TBC1D10A: variants seen among roughly 807,000 people sequenced by gnomAD.
TBC1D10A encodes the protein EBP50-PDX interactor of 64 kDa.
In TBC1D10A, 24 loss-of-function variants were observed where a neutral mutation model predicts 52.9. The observed-to-expected ratio is 0.45, with a 90% confidence interval of 0.33 to 0.64. The LOEUF (loss-of-function observed/expected upper bound fraction) is 0.64, where lower values mean the gene tolerates loss of function less well. TBC1D10A is among the 30% of genes least tolerant of loss of function. The pLI, the probability that TBC1D10A is intolerant of heterozygous loss-of-function variation, is 0.02. For missense variants in TBC1D10A, 602 were observed against 687.9 expected, an observed-to-expected ratio of 0.88 and a Z score of 1.40; for synonymous variants, 278 against 282.9, an observed-to-expected ratio of 0.98 and a Z score of 0.17.
intron 1 of TBC1D10A, among the ~76,000 whole-genome samples, chr22:30,324,236 C>A (rs1438551001): frequency 1.3e-5 from 2 of 152,192 alleles, no homozygotes; most frequent in African/African-American, 4.8e-5. Flanking sequence ...GGACTCCTAG[C>A]CTTCAACCAC....
chr22:30,302,809 T>C (rs540865057), intron 2 of TBC1D10A, among the ~76,000 whole-genome samples: 3 of 152,298 alleles, frequency 2.0e-5, no homozygotes, highest in Non-Finnish European at 4.4e-5. Context: ...GAAGCTCCCC[T>C]CTGGAATCCC....
chr22:30,302,739 C>T (rs1930227285), intron 2 of TBC1D10A, among the ~76,000 whole-genome samples: 2 of 152,204 alleles, frequency 1.3e-5, no homozygotes, highest in South Asian at 4.1e-4. Context: ...GGGCTCTAAC[C>T]ACAGTGCCAG....
intron 8 of TBC1D10A, 132 bp from the exon 9 acceptor site, chr22:30,292,983 G>T (rs1929984882): frequency 2.9e-6 from 3 of 1,026,538 alleles, no homozygotes; most frequent in Non-Finnish European, 4.3e-6. Context: ...CAGGAAGGAT[G>T]AGGGTCTAGT....
chr22:30,325,839 G>A (rs996251764), intron 1 of TBC1D10A, among the ~76,000 whole-genome samples: 1 of 152,150 alleles, frequency 6.6e-6, no homozygotes, highest in African/African-American at 2.4e-5. Context: ...CCCTTGGGAG[G>A]AGGCGCATAC....
chr22:30,320,006 C>T (rs980599877), intron 1 of TBC1D10A, among the ~76,000 whole-genome samples: 4 of 152,166 alleles, frequency 2.6e-5, no homozygotes, highest in Non-Finnish European at 5.9e-5. Flanking sequence ...GGGTGACAGT[C>T]GGAGGACCTG....
intron 1 of TBC1D10A, among the ~76,000 whole-genome samples, chr22:30,315,954 G>A (rs1025885524): frequency 4.6e-5 from 7 of 152,156 alleles, no homozygotes; most frequent in Admixed American, 1.3e-4. Flanking sequence ...TGGTAAGATG[G>A]GAAATTAGGA....
At chr22:30,310,963 A>C (rs1396865496) in intron 1 of TBC1D10A, among the ~76,000 whole-genome samples, 2 of 152,128 alleles carry the variant, frequency 1.3e-5, no homozygotes, top group Non-Finnish European at 2.9e-5. Context: ...GATGGAGAGG[A>C]GGCAGTTGGA....
intron 1 of TBC1D10A, among the ~76,000 whole-genome samples, chr22:30,320,799 C>T (rs1313908290): frequency 6.6e-6 from 1 of 152,208 alleles, no homozygotes; most frequent in Non-Finnish European, 1.5e-5. Flanking sequence ...ATTTAAACCT[C>T]AGAATGATCC....
intron 8 of TBC1D10A, 167 bp from the exon 9 acceptor site, chr22:30,293,018 C>T (rs1195805053): frequency 5.6e-6 from 4 of 712,188 alleles, no homozygotes; most frequent in Non-Finnish European, 9.3e-6. Context: ...ACGAGCCCCA[C>T]AGCTGAGTGC....
rs1930119444 is a variant in TBC1D10A at position 30,297,997 on chromosome 22, C to A, written c.417+1447G>T. The A allele has an allele frequency of 6.6e-6, 1 of 152,322 alleles. No homozygotes were observed. Among genetic ancestry groups the A allele is most frequent in the South Asian group, 2.1e-4 (1 of 4,840 alleles). 9.4% of individuals were successfully genotyped at this position (152,322 alleles called of 1,614,324 possible). A position where few individuals can be genotyped will look rare whatever the true frequency, so the allele number is the denominator to read the frequency against. ...CGGTGCATCAAGAAGGCCTTCTCTG[C>A]AAATCCACCTCCTCACACAAGCAAC... On this transcript the variant is annotated intron_variant, in intron 3 of 8. Coordinates refer to ENST00000215790, the MANE Select transcript of TBC1D10A (RefSeq NM_031937.3). The surrounding 1 kb of genome is among the most constrained non-coding windows in gnomAD (Gnocchi z 4.3).
At chr22:30,310,071 G>A (rs1274888043) in intron 1 of TBC1D10A, among the ~76,000 whole-genome samples, 1 of 152,216 alleles carries the variant, frequency 6.6e-6, no homozygotes, top group Non-Finnish European at 1.5e-5. Flanking sequence ...CTCACCCATA[G>A]GGGAAACCAG....
chr22:30,309,873 C>A (rs1930390746), intron 1 of TBC1D10A, among the ~76,000 whole-genome samples: 1 of 152,224 alleles, frequency 6.6e-6, no homozygotes, highest in Admixed American at 6.5e-5. Context: ...TCTGGCTAGG[C>A]AGGTTCAGCA....
chr22:30,293,710 T>A lies in TBC1D10A; in HGVS notation c.991A>T (p.Ile331Phe). The change falls in exon 8 of 9, where the codon ATC becomes TTC. Residue 331 changes from isoleucine (I) to phenylalanine (F), a missense_variant. Transcript: ENST00000215790. The part of the protein sequence containing the change: ...VKACQGQYET[I>F]ERLRSLSPKI... ...GGGCTGAGGCTCCGCAGTCGCTCGA[T>A]GGTCTCGTACTGGCCCTGGCAGGCT... 5 of 1,612,968 alleles carry A rather than the reference T, an allele frequency of 3.1e-6. No individual in the cohort carries two copies. Among genetic ancestry groups the A allele is most frequent in the Non-Finnish European group, 3.4e-6 (4 of 1,179,338 alleles).
chr22:30,324,539 T>C (rs1431099943), intron 1 of TBC1D10A, among the ~76,000 whole-genome samples: 2 of 152,150 alleles, frequency 1.3e-5, no homozygotes, highest in African/African-American at 4.8e-5. Context: ...GAAAGACAGA[T>C]GTCTGGCTGC....
intron 2 of TBC1D10A, among the ~76,000 whole-genome samples, chr22:30,301,245 A>G (rs1930196216): frequency 6.6e-6 from 1 of 152,196 alleles, no homozygotes; most frequent in Admixed American, 6.5e-5. Context: ...GGGCAAGGAC[A>G]AAGGCAGAGG....
In TBC1D10A at chr22:30,295,847, G is replaced by A. The variant is rs1337058396; in HGVS notation, c.418-4C>T. 5.0e-6 allele frequency: 8 copies of A among 1,611,494 alleles called. No individual in the cohort carries two copies. Among genetic ancestry groups the A allele is most frequent in the Non-Finnish European group, 6.8e-6 (8 of 1,178,788 alleles). ...CCCCAGGGGACATGTCCAGCTCCTA[G>A]AAGCAAGGGCACAAATTAGGGGCTG... On this transcript the variant is annotated splice_polypyrimidine_tract_variant and splice_region_variant and intron_variant, in intron 3 of 8. Coordinates refer to ENST00000215790, the MANE Select transcript of TBC1D10A (RefSeq NM_031937.3).
chr22:30,324,808 G>A (rs1196536176), intron 1 of TBC1D10A, among the ~76,000 whole-genome samples: 1 of 152,184 alleles, frequency 6.6e-6, no homozygotes, highest in Non-Finnish European at 1.5e-5. Flanking sequence ...AACAGGCTCA[G>A]AGATTCAGGA....
At chr22:30,313,349 G>A (rs1930465265) in intron 1 of TBC1D10A, among the ~76,000 whole-genome samples, 1 of 63,814 alleles carries the variant, frequency 1.6e-5, no homozygotes, top group Non-Finnish European at 4.4e-5. Context: ...AAATGTGTGT[G>A]TGTGTGTGTG....
intron 1 of TBC1D10A, among the ~76,000 whole-genome samples, chr22:30,313,440 G>A (rs1930469370): frequency 6.6e-6 from 1 of 151,094 alleles, no homozygotes; most frequent in Non-Finnish European, 1.5e-5. Flanking sequence ...CTGGAGTGCA[G>A]TGGCGCAATC....
Sources: allele counts gnomAD v4.1 joint callset (sites outside exome capture counted in the v4.1 genomes callset), GRCh38; gene constraint gnomAD v4.1.1; non-coding constraint Gnocchi (gnomAD v3.1); transcripts MANE v1.5; gene names NCBI Gene and HGNC (gene_info 2026-07-23, HGNC 2026-07-21).